Variants in ERBB4 observed in about 807,000 individuals in gnomAD.
The protein encoded by ERBB4 is receptor tyrosine-protein kinase erbB-4.
ERBB4 carries 42 observed loss-of-function variants against 158.0 expected under a neutral mutation model. The ratio of observed to expected loss-of-function variants is 0.27; its 90% confidence interval spans 0.21 to 0.34. The LOEUF (loss-of-function observed/expected upper bound fraction) is 0.34, where lower values mean the gene tolerates loss of function less well. Ranked by LOEUF, ERBB4 falls within the 10% of genes least tolerant of loss-of-function variation. The pLI, the probability that ERBB4 is intolerant of heterozygous loss-of-function variation, is 1.00. For synonymous variants in ERBB4, 583 were observed against 558.7 expected (o/e 1.04, Z -0.61); for missense variants, 1,333 against 1,624.1 (o/e 0.82, Z 3.08).
At chr2:211,450,244 C>G (rs535276732) in intron 20 of ERBB4, among the ~76,000 whole-genome samples, 30 of 152,088 alleles carry the variant, frequency 2.0e-4, no homozygotes, top group African/African-American at 7.0e-4. Flanking sequence ...TGGGGTAAGG[C>G]TGGAGGAGTG....
chr2:212,375,383 T>C (rs1402452984), intron 1 of ERBB4, among the ~76,000 whole-genome samples: 2 of 152,146 alleles, frequency 1.3e-5, no homozygotes, highest in South Asian at 2.1e-4. Context: ...GAAGAACAGT[T>C]ACTTGATACC....
At chr2:211,940,250 C>T (rs1433211492) in intron 3 of ERBB4, among the ~76,000 whole-genome samples, 2 of 151,962 alleles carry the variant, frequency 1.3e-5, no homozygotes, top group Non-Finnish European at 2.9e-5. Context: ...TTACTGTTTT[C>T]CTCAGAGCAA....
intron 1 of ERBB4, among the ~76,000 whole-genome samples, chr2:212,225,570 T>C (rs769690268): frequency 2.0e-5 from 3 of 151,928 alleles, no homozygotes; most frequent in Non-Finnish European, 2.9e-5. Flanking sequence ...ATCTATCCTA[T>C]AGAGGTAATT....
intron 1 of ERBB4, among the ~76,000 whole-genome samples, chr2:212,290,230 C>T (rs538658605): frequency 6.6e-6 from 1 of 152,212 alleles, no homozygotes; most frequent in South Asian, 2.1e-4. Flanking sequence ...TTTTTGACAT[C>T]TGTAGATTGT....
At chr2:212,097,973 G>C (rs1242190816) in intron 2 of ERBB4, among the ~76,000 whole-genome samples, 2 of 152,180 alleles carry the variant, frequency 1.3e-5, no homozygotes, top group Non-Finnish European at 2.9e-5. Context: ...ATATATATGG[G>C]TTTGAGGGGA....
At chr2:211,831,679 A>C (rs1293827828) in intron 3 of ERBB4, among the ~76,000 whole-genome samples, 1 of 152,144 alleles carries the variant, frequency 6.6e-6, no homozygotes, top group Non-Finnish European at 1.5e-5. Flanking sequence ...AGGTGGGTGG[A>C]TCACCTGAGG....
chr2:211,975,540 GGACAATT>G (rs2081581844), intron 2 of ERBB4, among the ~76,000 whole-genome samples: 2 of 152,090 alleles, frequency 1.3e-5, no homozygotes, highest in African/African-American at 4.8e-5. Context: ...CCTTTCAGAA[GGACAATT>G]TATAAGTAAA....
chr2:211,442,913 CT>C (rs570824065), intron 20 of ERBB4, among the ~76,000 whole-genome samples: 1 of 152,140 alleles, frequency 6.6e-6, no homozygotes, highest in South Asian at 2.1e-4. Flanking sequence ...ACTTCAAACC[CT>C]TATGGACTGT....
intron 1 of ERBB4, among the ~76,000 whole-genome samples, chr2:212,292,000 C>A (rs1240937182): frequency 6.6e-6 from 1 of 151,858 alleles, no homozygotes; most frequent in Non-Finnish European, 1.5e-5. Context: ...GATGAAAGAA[C>A]TGAGGTTGAA....
In ERBB4 at chr2:212,435,485, G is replaced by A. The variant is rs186913523; in HGVS notation, c.82+102964C>T. On this transcript the variant is annotated intron_variant, in intron 1 of 27. Coordinates refer to ENST00000342788, the MANE Select transcript of ERBB4 (RefSeq NM_005235.3). ...TATCACATAATATTGCCTTTCTCTG[G>A]AATTCTAAATGGTGATATCAAAAGA... Among the ~76,000 whole-genome samples the A allele has an allele frequency of 8.2e-3, 1,245 of 151,914 alleles. 3 individuals carry two copies. The highest frequency in any genetic ancestry group is 0.012 in the Non-Finnish European group (845 of 67,854).
intron 1 of ERBB4, among the ~76,000 whole-genome samples, chr2:212,287,780 T>C (rs1163067851): frequency 1.3e-5 from 2 of 152,172 alleles, no homozygotes; most frequent in Non-Finnish European, 2.9e-5. Context: ...TGGATGGAGT[T>C]GGAAGCCATT....
intron 3 of ERBB4, among the ~76,000 whole-genome samples, chr2:211,893,490 A>G (rs1285420952): frequency 1.4e-5 from 2 of 141,100 alleles, no homozygotes; most frequent in Non-Finnish European, 3.1e-5. Flanking sequence ...CATTCAGGAC[A>G]TAGGCATGGG....
intron 27 of ERBB4, among the ~76,000 whole-genome samples, chr2:211,385,948 T>C (rs957903387): frequency 1.3e-5 from 2 of 152,322 alleles, no homozygotes; most frequent in Admixed American, 6.5e-5. Context: ...GTTTTAGATA[T>C]GTAAAAATTT....
At chr2:212,385,409 T>C (rs1314782495) in intron 1 of ERBB4, among the ~76,000 whole-genome samples, 2 of 151,850 alleles carry the variant, frequency 1.3e-5, no homozygotes, top group Non-Finnish European at 2.9e-5. Context: ...CACATTTTCC[T>C]TTCTAAATAA....
chr2:212,039,587 G>A (rs2077091644), intron 2 of ERBB4, among the ~76,000 whole-genome samples: 1 of 152,130 alleles, frequency 6.6e-6, no homozygotes, highest in Admixed American at 6.5e-5. Flanking sequence ...TCAGTAACTT[G>A]CTTATGCTGA....
chr2:211,540,122 ATCTGTTT>A (rs2066758661), intron 20 of ERBB4, among the ~76,000 whole-genome samples: 1 of 151,678 alleles, frequency 6.6e-6, no homozygotes, highest in South Asian at 2.1e-4. Flanking sequence ...TTTGCTCATT[ATCTGTTT>A]TCTAAGTACT....
intron 19 of ERBB4, among the ~76,000 whole-genome samples, chr2:211,565,623 C>A (rs1049636619): frequency 1.3e-5 from 2 of 152,050 alleles, no homozygotes; most frequent in African/African-American, 2.4e-5. Flanking sequence ...CCCCTTTAAC[C>A]GTCCCTACTA....
intron 4 of ERBB4, among the ~76,000 whole-genome samples, chr2:211,760,600 G>C (rs575205460): frequency 1.2e-3 from 187 of 152,244 alleles, no homozygotes; most frequent in African/African-American, 4.2e-3. Context: ...AGGCTCTCTG[G>C]CATGAGACAC....
chr2:212,326,045 G>A (rs2087813236), intron 1 of ERBB4, among the ~76,000 whole-genome samples: 1 of 150,414 alleles, frequency 6.6e-6, no homozygotes, highest in Non-Finnish European at 1.5e-5. Context: ...CAAACAGCCA[G>A]CCAAATCTTG....
Sources: allele counts gnomAD v4.1 joint callset (sites outside exome capture counted in the v4.1 genomes callset), GRCh38; gene constraint gnomAD v4.1.1; transcripts MANE v1.5; gene names NCBI Gene and HGNC (gene_info 2026-07-23, HGNC 2026-07-21).